Variants in ASH1L observed in about 807,000 individuals in gnomAD.
ASH1L encodes the protein histone-lysine N-methyltransferase ASH1L.
A neutral mutation model predicts 269.0 loss-of-function variants in ASH1L; 23 were observed. That is an observed-to-expected ratio of 0.09 (90% CI 0.06 to 0.12). ASH1L has a LOEUF of 0.12. Ranked by LOEUF, ASH1L falls within the 10% of genes least tolerant of loss-of-function variation. The pLI is 1.00. For synonymous variants in ASH1L, 1,187 were observed against 1,253.5 expected (o/e 0.95, Z 1.12); for missense variants, 2,912 against 3,567.8 (o/e 0.82, Z 4.68).
At chr1:155,460,052 G>A (rs1664174501) in intron 3 of ASH1L, among the ~76,000 whole-genome samples, 154 bp from the exon 4 acceptor site, 1 of 152,144 alleles carries the variant, frequency 6.6e-6, no homozygotes, top group Non-Finnish European at 1.5e-5. Context: ...AGGAAAATAA[G>A]CAGAGGACAA....
At chr1:155,384,891 G>A (rs1288043613) in intron 7 of ASH1L, among the ~76,000 whole-genome samples, 4 of 151,626 alleles carry the variant, frequency 2.6e-5, no homozygotes, top group Non-Finnish European at 5.9e-5. Context: ...CCATGACTCC[G>A]ATAACACAAA....
intron 12 of ASH1L, among the ~76,000 whole-genome samples, chr1:155,366,995 T>G (rs1655489834): frequency 1.4e-5 from 2 of 146,086 alleles, no homozygotes; most frequent in Admixed American, 1.4e-4. Flanking sequence ...TTTGGTTTTT[T>G]TTTTTTTTTT....
intron 7 of ASH1L, among the ~76,000 whole-genome samples, chr1:155,386,867 T>C (rs929211376): frequency 6.6e-6 from 1 of 152,252 alleles, no homozygotes; most frequent in Non-Finnish European, 1.5e-5. Flanking sequence ...CCATTTTTGC[T>C]TTTGTTACAA....
intron 2 of ASH1L, among the ~76,000 whole-genome samples, chr1:155,496,181 A>T (rs902631399): frequency 6.6e-6 from 1 of 152,180 alleles, no homozygotes; most frequent in African/African-American, 2.4e-5. Flanking sequence ...AAAAATTTTT[A>T]AATTTGTTTT....
At chr1:155,396,658 C>T (rs1036949015) in intron 6 of ASH1L, among the ~76,000 whole-genome samples, 1 of 151,640 alleles carries the variant, frequency 6.6e-6, no homozygotes, top group African/African-American at 2.4e-5. Flanking sequence ...TTTCCTTTAA[C>T]GAAATTATAA....
chr1:155,438,374 T>C lies in ASH1L; in HGVS notation c.5781A>G (p.Lys1927=), dbSNP rs911668861. ...CTTCCTCTGGTAATGGCTTCTGCTT[T>C]TTTCTGGTCTGTTCTTCCAATAGCC... is the stretch of plus-strand genomic sequence containing the variant. ...KGWLLEEQTR[K]KQKPLPEEEE... Residue 1927 remains lysine (K), a synonymous_variant, in exon 5 of 28, where the codon AAA becomes AAG. Transcript: ENST00000392403. The C allele has an allele frequency of 2.5e-6, 4 of 1,593,966 alleles. No individual in the cohort carries two copies. In the African/African-American group the frequency reaches 5.4e-5, roughly 22 times the overall value.
chr1:155,562,365 T>C lies in ASH1L; in HGVS notation c.-312A>G, dbSNP rs1571171634. 2.0e-6 allele frequency: 3 copies of C among 1,519,800 alleles called. No homozygotes were observed. Among genetic ancestry groups the C allele is most frequent in the Non-Finnish European group, 2.7e-6 (3 of 1,115,782 alleles). 94.1% of individuals were successfully genotyped at this position (1,519,800 alleles called of 1,614,324 possible). On this transcript the variant is annotated 5_prime_UTR_variant, in exon 1 of 28. Transcript: ENST00000392403. The stretch of plus-strand genomic sequence containing the variant: ...AGGGGGCAAACTGAGGGGAGGCGGG[T>C]CCCGCAACCGAGACTGGGATCGTCT...
intron 21 of ASH1L, among the ~76,000 whole-genome samples, chr1:155,345,174 CTTTTTTTTTTTT>C (rs397981613): frequency 4.7e-5 from 3 of 64,022 alleles, no homozygotes; most frequent in South Asian, 1.5e-3. Flanking sequence ...CCAGGATGGT[CTTTTTTTTTTTT>C]TTTTTTTTTT....
chr1:155,380,047 T>C lies in ASH1L; in HGVS notation c.6173A>G (p.Asn2058Ser). Residue 2058 changes from asparagine to serine, a missense_variant, in exon 8 of 28, where the codon AAT (asparagine) becomes AGT (serine). Asn to Ser is a conservative substitution (Grantham distance 46, BLOSUM62 1). Coordinates refer to ENST00000392403, the MANE Select transcript of ASH1L (RefSeq NM_018489.3). ...PYDILWQWKH[N>S]QLYKKPDVPL... ...GGTAAAACAGGCTCTCTGTACCTGA[T>C]TGTGTTTCCACTGCCAAAGGATATC... 6.2e-7 allele frequency: 1 copy of C among 1,610,674 alleles called. No individual in the cohort carries two copies. Among genetic ancestry groups the C allele is most frequent in the Non-Finnish European group, 8.5e-7 (1 of 1,177,170 alleles).
rs575378725 is a variant in ASH1L, at chr1:155,345,104, G to A, written c.7891-831C>T. 1.0e-3 allele frequency among the ~76,000 whole-genome samples: 154 copies of A among 149,916 alleles called. 1 individual carries two copies. The highest frequency in any genetic ancestry group is 1.6e-3 in the Non-Finnish European group (108 of 67,684). ...CCCGAGTAGCTGGGACTACAGGCAC[G>A]CAACACCACGCCCAGCTAATTTTTG... On this transcript the variant is annotated intron_variant, in intron 21 of 27. Transcript: ENST00000392403.
intron 2 of ASH1L, among the ~76,000 whole-genome samples, chr1:155,516,047 T>C (rs916033491): frequency 2.6e-5 from 4 of 152,068 alleles, no homozygotes; most frequent in African/African-American, 9.7e-5. Flanking sequence ...ATCGTTCTGT[T>C]TTCCTCTTCT....
intron 6 of ASH1L, among the ~76,000 whole-genome samples, chr1:155,400,198 T>C (rs1483790499): frequency 2.0e-5 from 3 of 151,898 alleles, no homozygotes; most frequent in African/African-American, 7.3e-5. Flanking sequence ...TTATAAAAAA[T>C]TAGCCAGGCA....
At chr1:155,366,233 C>T (rs6683631) in intron 12 of ASH1L, among the ~76,000 whole-genome samples, 1 of 152,200 alleles carries the variant, frequency 6.6e-6, no homozygotes, top group Non-Finnish European at 1.5e-5. Flanking sequence ...CACTACTACA[C>T]TCCCATCAGT....
chr1:155,501,192 TTGTC>T (rs1260327584), intron 2 of ASH1L, among the ~76,000 whole-genome samples: 1 of 152,186 alleles, frequency 6.6e-6, no homozygotes, highest in Non-Finnish European at 1.5e-5. Context: ...TAAAAATGTT[TTGTC>T]TTTCTTCCTT....
At chr1:155,417,333 A>T (rs938528243) in intron 5 of ASH1L, among the ~76,000 whole-genome samples, 1 of 152,090 alleles carries the variant, frequency 6.6e-6, no homozygotes, top group Non-Finnish European at 1.5e-5. Flanking sequence ...CAGAGTACAG[A>T]GGGACTGAGA....
intron 3 of ASH1L, among the ~76,000 whole-genome samples, chr1:155,466,009 T>G (rs1259511506): frequency 2.0e-5 from 3 of 152,204 alleles, no homozygotes; most frequent in Admixed American, 2.0e-4. Flanking sequence ...ACCAACTAAA[T>G]GCACTACAAG....
In ASH1L at chr1:155,388,999, A is replaced by G. The variant is rs182089202; in HGVS notation, c.6103+6460T>C. ...GCTGGGATTACAGGCATGAGCCACC[A>G]TGCCTGGACTAATTCTTTTTTTTTG... On this transcript the variant is annotated intron_variant, in intron 7 of 27. Transcript: ENST00000392403. Among the ~76,000 whole-genome samples, 349 of 150,344 alleles carry G rather than the reference A, an allele frequency of 2.3e-3. 1 individual carries two copies. Among genetic ancestry groups the G allele is most frequent in the African/African-American group, 8.2e-3 (333 of 40,792 alleles).
intron 7 of ASH1L, among the ~76,000 whole-genome samples, chr1:155,388,166 A>G (rs1180331905): frequency 6.6e-6 from 1 of 152,190 alleles, no homozygotes; most frequent in East Asian, 1.9e-4. Context: ...GGAGGGCACT[A>G]AGGTCCCTGA....
rs1658269310 is a variant in ASH1L at position 155,395,527 on chromosome 1, T to C, written c.6035A>G (p.Lys2012Arg). ...TDPKSRLIQL[K>R]KEKLEYTPGE... is the part of the protein sequence containing the mutation. ...TGGAGTATACTCCAGCTTCTCTTTC[T>C]TTAATTGGATCAATCGACTCTTTGG... The change falls in exon 7 of 28, where the codon AAG (lysine) becomes AGG (arginine). Residue 2012 changes from lysine (K) to arginine (R), a missense_variant. Lys to Arg is a conservative substitution (Grantham distance 26). Around this residue, in one of 13 missense-constraint regions of ASH1L, gnomAD observed 193 missense variants for 311.6 expected, o/e 0.62. Coordinates refer to ENST00000392403, the MANE Select transcript of ASH1L (RefSeq NM_018489.3). 6.2e-7 allele frequency: 1 copy of C among 1,610,552 alleles called. No homozygotes were observed. The highest frequency in any genetic ancestry group is 1.7e-5 in the Admixed American group (1 of 59,108).
Sources: allele counts gnomAD v4.1 joint callset (sites outside exome capture counted in the v4.1 genomes callset), GRCh38; gene constraint gnomAD v4.1.1; regional missense constraint gnomAD v4.1.1; transcripts MANE v1.5; gene names NCBI Gene and HGNC (gene_info 2026-07-23, HGNC 2026-07-21).